The following CFAP43 variants were observed in gnomAD, a reference collection of about 807,000 sequenced individuals.
CFAP43 encodes the protein cilia- and flagella-associated protein 43.
In CFAP43, 155 loss-of-function variants were observed where a neutral mutation model predicts 218.9. The ratio of observed to expected loss-of-function variants is 0.71; its 90% CI spans 0.62 to 0.81. CFAP43 has a LOEUF of 0.81. Among genes scored for constraint, CFAP43 ranks in the 30% least tolerant of loss-of-function variants. CFAP43 has a pLI of 0.00. For synonymous variants in CFAP43, 645 were observed against 681.3 expected (o/e 0.95, Z 0.83); for missense variants, 1,778 against 1,954.3 (o/e 0.91, Z 1.70).
chr10:104,210,104 G>A (rs935442649), intron 5 of CFAP43, among the ~76,000 whole-genome samples: 4 of 152,056 alleles, frequency 2.6e-5, no homozygotes, highest in Non-Finnish European at 4.4e-5. Flanking sequence ...AGGAAATAAC[G>A]AGAAGAAATA....
At chr10:104,164,347 T>C in intron 23 of CFAP43, 47 bp from the exon 24 acceptor site, 1 of 1,366,300 alleles carries the variant, frequency 7.3e-7, no homozygotes, top group Middle Eastern at 2.5e-4. Context: ...ATTATATCTT[T>C]ACTGGTAACA....
rs11336747 is a variant in CFAP43, at chr10:104,201,680, A to ATT, written c.1095+1990_1095+1991dup. Among the ~76,000 whole-genome samples the ATT allele has an allele frequency of 2.1e-5, 3 of 146,088 alleles. No individual in the cohort carries two copies. In the South Asian group the frequency reaches 6.4e-4, roughly 31 times the overall value. On this transcript the variant is annotated intron_variant, in intron 8 of 37. Coordinates refer to ENST00000357060, the MANE Select transcript of CFAP43 (RefSeq NM_025145.7). The stretch of plus-strand genomic sequence containing the variant: ...ATATTATTTTTAAAACTACTTTCAC[A>ATT]TTTTTTTTTTTTTGCTGTTGTATGC...
intron 19 of CFAP43, 82 bp from the exon 20 acceptor site, chr10:104,172,617 G>A: frequency 8.3e-7 from 1 of 1,209,640 alleles, no homozygotes; most frequent in Non-Finnish European, 1.1e-6. Flanking sequence ...CTTTTAGGCA[G>A]CAATCAATAA....
chr10:104,142,933 A>G (rs2134751762), intron 32 of CFAP43, among the ~76,000 whole-genome samples: 1 of 152,366 alleles, frequency 6.6e-6, no homozygotes, highest in East Asian at 1.9e-4. Context: ...CGTGAGCCAT[A>G]AATGTGAGTC....
intron 28 of CFAP43, 64 bp from the exon 29 acceptor site, chr10:104,148,062 G>T: frequency 9.7e-7 from 1 of 1,028,378 alleles, no homozygotes; most frequent in Non-Finnish European, 1.4e-6. Context: ...ATTTTCTATA[G>T]ACTTGGCACT....
chr10:104,163,802 C>A (rs1429186790), intron 24 of CFAP43, among the ~76,000 whole-genome samples: 1 of 152,218 alleles, frequency 6.6e-6, no homozygotes, highest in Non-Finnish European at 1.5e-5. Flanking sequence ...AGTAGAAATG[C>A]AGAGTGATGT....
rs371319152 is a variant in CFAP43 at position 104,161,915 on chromosome 10, C to G, written c.3414+46G>C. 84 of 1,570,714 alleles carry G rather than the reference C, an allele frequency of 5.3e-5. 1 individual carries two copies. The African/African-American group carries it at 1.0e-3, about 19-fold the overall frequency. ...CAAAAATGGTAAAACTTAAGTAGCT[C>G]TTTCCACCCCATTCCACCTTCTATA... On this transcript the variant is annotated intron_variant, in intron 26 of 37. Coordinates refer to ENST00000357060, the MANE Select transcript of CFAP43 (RefSeq NM_025145.7).
intron 37 of CFAP43, 21 bp from the exon 38 acceptor site, chr10:104,130,326 G>A (rs779896989): frequency 3.8e-6 from 6 of 1,593,110 alleles, no homozygotes; most frequent in Non-Finnish European, 5.1e-6. Context: ...AATGAATAAA[G>A]GAATTCGATT....
chr10:104,207,784 T>A lies in CFAP43; in HGVS notation c.776A>T (p.His259Leu). The A allele has an allele frequency of 6.2e-7, 1 of 1,614,076 alleles. No homozygotes were observed. The highest frequency in any genetic ancestry group is 1.3e-5 in the African/African-American group (1 of 75,042). Residue 259 changes from histidine to leucine, a missense_variant, in exon 6 of 38, where the codon CAT becomes CTT. By Grantham distance (99) the His-to-Leu change is moderately conservative. This residue lies in a region of CFAP43 where 1,553 missense variants were observed against 1,685.2 expected (regional missense o/e 0.92). Coordinates refer to ENST00000357060, the MANE Select transcript of CFAP43 (RefSeq NM_025145.7). ...DLYPLLHPTMHCWTPTSDLYI... is the reference protein window; with the variant it reads ...DLYPLLHPTMLCWTPTSDLYI... ...CAAGTCACTTGTTGGAGTCCAGCAA[T>A]GCATAGTCGGGTGAAGCAAAGGATA...
chr10:104,131,999 T>C (rs1367542799), intron 36 of CFAP43, 117 bp downstream of exon 36: 2 of 695,544 alleles, frequency 2.9e-6, no homozygotes, highest in Admixed American at 3.5e-5. Context: ...TCATGAATAC[T>C]AGTAAATAAC....
intron 31 of CFAP43, among the ~76,000 whole-genome samples, 183 bp from the exon 32 acceptor site, chr10:104,143,822 A>G (rs1270004316): frequency 6.6e-6 from 1 of 152,160 alleles, no homozygotes; most frequent in East Asian, 1.9e-4. Flanking sequence ...CATACTCTCC[A>G]GGTTCTCAGA....
Position 104,152,599 on chromosome 10 carries a change from T to C in CFAP43, c.3660+8A>G, listed in dbSNP as rs1164848885. 6.2e-7 allele frequency: 1 copy of C among 1,612,828 alleles called. No individual in the cohort carries two copies. Among genetic ancestry groups the C allele is most frequent in the Non-Finnish European group, 8.5e-7 (1 of 1,179,590 alleles). ...CTTAAAAGTCACATAAGTAAAGCTT[T>C]TATTTACCTGGTTGGTAACCATCTC... is the stretch of plus-strand genomic sequence containing the variant. On this transcript the variant is annotated splice_region_variant and intron_variant, in intron 28 of 37. Coordinates refer to ENST00000357060, the MANE Select transcript of CFAP43 (RefSeq NM_025145.7).
At position 104,131,315 on chromosome 10, in the gene CFAP43, A is replaced by G; in HGVS notation, c.4831+16T>C. On this transcript the variant is annotated intron_variant, in intron 37 of 37. Coordinates refer to ENST00000357060, the MANE Select transcript of CFAP43 (RefSeq NM_025145.7). Reference sequence around the variant, plus strand: ...AAGAAACCTACAGTTGGTTAAAGAAAAAAAAGCATGCTTACCCATTGCATT... The same window carrying G: ...AAGAAACCTACAGTTGGTTAAAGAAGAAAAAGCATGCTTACCCATTGCATT... 6.3e-7 allele frequency: 1 copy of G among 1,596,954 alleles called. No homozygotes were observed. The highest frequency in any genetic ancestry group is 8.5e-7 in the Non-Finnish European group (1 of 1,176,256).
intron 22 of CFAP43, 38 bp downstream of exon 22, chr10:104,167,583 C>T (rs769184848): frequency 3.4e-6 from 5 of 1,482,966 alleles, no homozygotes; most frequent in South Asian, 1.3e-5. Context: ...AAATAAAGCA[C>T]ATCACTTATA....
rs566054098 is a variant in CFAP43, at chr10:104,166,426, C to G, written c.3039+62G>C. On this transcript the variant is annotated intron_variant, in intron 23 of 37. Coordinates refer to ENST00000357060, the MANE Select transcript of CFAP43 (RefSeq NM_025145.7). ...ATTGGCATTTGTTTTCAATGTGAGG[C>G]CTTGAAAGCCACCTAATGGGGAGTC... 1.6e-4 allele frequency: 196 copies of G among 1,208,520 alleles called. 3 individuals are homozygous for G. In the South Asian group the frequency reaches 2.6e-3, roughly 16 times the overall value. The allele number at this position is 1,208,520 out of a possible 1,614,324, so 74.9% of individuals were successfully genotyped here.
Position 104,193,693 on chromosome 10 carries a change from G to T in CFAP43, c.1442+173C>A, listed in dbSNP as rs546832124. 5.0e-5 allele frequency: 41 copies of T among 816,408 alleles called. No individual in the cohort carries two copies. In the African/African-American group the frequency reaches 6.1e-4, roughly 12 times the overall value. 50.6% of individuals were successfully genotyped at this position (816,408 alleles called of 1,614,324 possible). A position where few individuals can be genotyped will look rare whatever the true frequency, so the allele number is the denominator to read the frequency against. ...GCAAGGACAGACCTGGGTATGGGGGGTACTTTACTACACAGCCCTCTGTAC... is the reference window on the plus strand; with the variant it reads ...GCAAGGACAGACCTGGGTATGGGGGTTACTTTACTACACAGCCCTCTGTAC... On this transcript the variant is annotated intron_variant, in intron 11 of 37. Coordinates refer to ENST00000357060, the MANE Select transcript of CFAP43 (RefSeq NM_025145.7).
chr10:104,175,602 G>T (rs2089599396), intron 19 of CFAP43, among the ~76,000 whole-genome samples: 1 of 152,156 alleles, frequency 6.6e-6, no homozygotes, highest in Non-Finnish European at 1.5e-5. Flanking sequence ...TGGCAACACA[G>T]TACACTTCAG....
intron 1 of CFAP43, among the ~76,000 whole-genome samples, chr10:104,231,867 A>G (rs1367737568): frequency 2.0e-5 from 3 of 152,084 alleles, no homozygotes; most frequent in African/African-American, 7.2e-5. Flanking sequence ...CCGGATCACT[A>G]GCGGGAATCC....
chr10:104,212,237 G>A (rs1311383938), intron 4 of CFAP43, 80 bp from the exon 5 acceptor site: 2 of 1,370,764 alleles, frequency 1.5e-6, no homozygotes, highest in Non-Finnish European at 2.0e-6. Flanking sequence ...CAGTTTAAGT[G>A]AGGTGGGGAG....
Sources: allele counts gnomAD v4.1 joint callset (sites outside exome capture counted in the v4.1 genomes callset), GRCh38; gene constraint gnomAD v4.1.1; regional missense constraint gnomAD v4.1.1; transcripts MANE v1.5; gene names NCBI Gene and HGNC (gene_info 2026-07-23, HGNC 2026-07-21).